AGBL4: variants seen among roughly 807,000 people sequenced by gnomAD.
AGBL4 encodes cytosolic carboxypeptidase 6.
A neutral mutation model predicts 66.4 loss-of-function variants in AGBL4; 58 were observed. The observed-to-expected ratio is 0.87, with a 90% CI of 0.71 to 1.09. The LOEUF is 1.09. Among genes scored for constraint, AGBL4 ranks in the 50% least tolerant of loss-of-function variants. The pLI, the probability that AGBL4 is intolerant of heterozygous loss-of-function variation, is 0.00. For synonymous variants in AGBL4, 234 were observed against 222.9 expected (o/e 1.05, Z -0.44); for missense variants, 579 against 631.0 (o/e 0.92, Z 0.88).
intron 6 of AGBL4, among the ~76,000 whole-genome samples, chr1:48,698,746 T>A (rs1646754112): frequency 6.6e-6 from 1 of 152,196 alleles, no homozygotes; most frequent in Non-Finnish European, 1.5e-5. Context: ...TTGGGACAGG[T>A]ACGTTACATG....
At position 49,254,320 on chromosome 1, in the gene AGBL4, T is replaced by A. The variant is rs961090740; in HGVS notation, c.283-8456A>T. 7.2e-5 allele frequency among the ~76,000 whole-genome samples: 11 copies of A among 152,074 alleles called. 1 individual carries two copies. The highest frequency in any genetic ancestry group is 2.7e-4 in the African/African-American group (11 of 41,408). ...CTAATAAACAACTCCAGTAAAGTCT[T>A]AGGATACAAAATCAAAGTGTAAAAA... On this transcript the variant is annotated intron_variant, in intron 3 of 13. Coordinates refer to ENST00000371839, the MANE Select transcript of AGBL4 (RefSeq NM_032785.4).
chr1:48,775,269 A>G (rs1645021219), intron 6 of AGBL4, among the ~76,000 whole-genome samples: 2 of 152,150 alleles, frequency 1.3e-5, no homozygotes, highest in Non-Finnish European at 2.9e-5. Flanking sequence ...GCTGCTGGTC[A>G]GTTTCCAGTT....
chr1:49,930,574 T>C (rs750201220), intron 1 of AGBL4, among the ~76,000 whole-genome samples: 2 of 152,092 alleles, frequency 1.3e-5, no homozygotes, highest in Non-Finnish European at 2.9e-5. Context: ...AAAAAACACA[T>C]GATGTATCAT....
chr1:48,773,308 T>G (rs1055860581), intron 6 of AGBL4, among the ~76,000 whole-genome samples: 6 of 152,006 alleles, frequency 3.9e-5, no homozygotes. Flanking sequence ...TGCAGTTAGA[T>G]GATGGTGAGC....
At chr1:48,586,501 A>C (rs917082552) in intron 11 of AGBL4, 2 of 160,536 alleles carry the variant, frequency 1.2e-5, no homozygotes, top group Admixed American at 1.2e-4. Context: ...GAGAGGGAAC[A>C]AGGGTGAGAA....
intron 6 of AGBL4, among the ~76,000 whole-genome samples, chr1:48,692,480 A>G (rs1646648222): frequency 6.6e-6 from 1 of 152,176 alleles, no homozygotes; most frequent in Non-Finnish European, 1.5e-5. Flanking sequence ...AGGCGGAAAG[A>G]AGTCTGGGAG....
intron 2 of AGBL4, among the ~76,000 whole-genome samples, chr1:49,827,332 G>A (rs897811273): frequency 6.6e-6 from 1 of 151,934 alleles, no homozygotes; most frequent in African/African-American, 2.4e-5. Context: ...AAATTAGATG[G>A]GGTGACAAAG....
intron 3 of AGBL4, among the ~76,000 whole-genome samples, chr1:49,320,558 G>T (rs1367049213): frequency 6.6e-6 from 1 of 152,134 alleles, no homozygotes; most frequent in Non-Finnish European, 1.5e-5. Flanking sequence ...TCTCCTCCAA[G>T]GAAACTTCAC....
At chr1:48,631,256 A>T (rs1245235345) in intron 9 of AGBL4, among the ~76,000 whole-genome samples, 2 of 152,256 alleles carry the variant, frequency 1.3e-5, no homozygotes. Context: ...CTCTTAGGGC[A>T]GATGCCTCAG....
At position 49,675,955 on chromosome 1, in the gene AGBL4, G is replaced by C. The variant is rs56944820; in HGVS notation, c.282+21358C>G. 9.4e-3 allele frequency among the ~76,000 whole-genome samples: 1,427 copies of C among 152,200 alleles called. 16 individuals are homozygous for C. The highest frequency in any genetic ancestry group is 0.032 in the African/African-American group (1,336 of 41,556). On this transcript the variant is annotated intron_variant, in intron 3 of 13. Transcript: ENST00000371839. Reference sequence around the variant, plus strand: ...CCCATTTCTTGACTGCAAGTTATGTGAGAGTAGTGCCGATAAAAATAAACC... The same window carrying C: ...CCCATTTCTTGACTGCAAGTTATGTCAGAGTAGTGCCGATAAAAATAAACC...
chr1:49,111,203 T>G (rs1052793152), intron 4 of AGBL4, among the ~76,000 whole-genome samples: 3 of 151,082 alleles, frequency 2.0e-5, no homozygotes, highest in Non-Finnish European at 4.4e-5. Flanking sequence ...AAGTTTCGCC[T>G]CCCAGGTTCA....
At chr1:49,318,349 T>C (rs1424040044) in intron 3 of AGBL4, among the ~76,000 whole-genome samples, 3 of 151,794 alleles carry the variant, frequency 2.0e-5, no homozygotes, top group African/African-American at 7.3e-5. Context: ...TGCATTAGTT[T>C]ATGGCAGGAA....
At chr1:48,780,643 T>G (rs1398097788) in intron 6 of AGBL4, among the ~76,000 whole-genome samples, 2 of 152,202 alleles carry the variant, frequency 1.3e-5, no homozygotes, top group Non-Finnish European at 2.9e-5. Flanking sequence ...AACCATCTGA[T>G]GTTTGACAAA....
chr1:49,832,575 G>A (rs920314359), intron 2 of AGBL4, among the ~76,000 whole-genome samples: 10 of 151,840 alleles, frequency 6.6e-5, no homozygotes, highest in South Asian at 2.1e-4. Flanking sequence ...TCGCCACACC[G>A]ACTTCCACAA....
intron 1 of AGBL4, among the ~76,000 whole-genome samples, chr1:49,997,991 A>G (rs1660487442): frequency 6.6e-6 from 1 of 152,066 alleles, no homozygotes; most frequent in African/African-American, 2.4e-5. Flanking sequence ...ATGGAAATGA[A>G]GTCTGAAAGA....
intron 6 of AGBL4, among the ~76,000 whole-genome samples, chr1:48,764,694 T>C (rs1644446094): frequency 6.6e-6 from 1 of 152,232 alleles, no homozygotes. Flanking sequence ...TGTCGCTTTG[T>C]AGGTGTGAGA....
At chr1:49,287,042 C>T (rs1355209450) in intron 3 of AGBL4, among the ~76,000 whole-genome samples, 2 of 150,522 alleles carry the variant, frequency 1.3e-5, no homozygotes, top group Admixed American at 6.6e-5. Flanking sequence ...AGAACAGAGC[C>T]CTCAGAAATA....
At chr1:49,263,063 C>T (rs890307049) in intron 3 of AGBL4, among the ~76,000 whole-genome samples, 4 of 151,558 alleles carry the variant, frequency 2.6e-5, no homozygotes. Context: ...GGACAAAAAA[C>T]CAAACACCGC....
At chr1:48,759,405 A>C (rs1369706838) in intron 6 of AGBL4, 9 of 1,410,124 alleles carry the variant, frequency 6.4e-6, no homozygotes, top group Non-Finnish European at 8.4e-6. Context: ...TGCTTGGAGA[A>C]ACCTGTGCAA....
Sources: allele counts gnomAD v4.1 joint callset (sites outside exome capture counted in the v4.1 genomes callset), GRCh38; gene constraint gnomAD v4.1.1; transcripts MANE v1.5; gene names NCBI Gene and HGNC (gene_info 2026-07-23, HGNC 2026-07-21).